PLCG2: variants seen among roughly 807,000 people sequenced by gnomAD.
PLCG2 encodes 1-phosphatidylinositol 4,5-bisphosphate phosphodiesterase gamma-2.
In PLCG2, 69 loss-of-function variants were observed where a neutral mutation model predicts 175.6. The observed-to-expected ratio is 0.39, with a 90% CI of 0.32 to 0.48. The LOEUF (loss-of-function observed/expected upper bound fraction) is 0.48. PLCG2 is among the 20% of genes least tolerant of loss of function. The pLI is 0.91. For synonymous variants in PLCG2, 827 were observed against 624.0 expected (o/e 1.33, Z -4.85); for missense variants, 1,798 against 1,650.9 (o/e 1.09, Z -1.54).
upstream of PLCG2, among the ~76,000 whole-genome samples, chr16:81,778,028 A>AAAAAAAAAAAAAAAAAAAACAAAC (rs1910495614): frequency 1.6e-5 from 1 of 63,658 alleles, no homozygotes; most frequent in Non-Finnish European, 3.0e-5. Flanking sequence ...AAAAAAAAAA[A>AAAAAAAAAAAAAAAAAAAACAAAC]AAACAAAAAA....
At chr16:81,956,907 C>G (rs532221098) in intron 32 of PLCG2, 28 bp downstream of exon 32, 13 of 1,597,152 alleles carry the variant, frequency 8.1e-6, no homozygotes, top group Non-Finnish European at 1.1e-5. Context: ...CCTGCAAAAA[C>G]TTTTGGGGGG....
chr16:81,790,940 G>A (rs983636380), intron 2 of PLCG2, among the ~76,000 whole-genome samples: 6 of 152,146 alleles, frequency 3.9e-5, no homozygotes, highest in African/African-American at 7.2e-5. Context: ...TCCAGCAAAC[G>A]TGTCAGTGGT....
At chr16:81,846,118 T>A (rs965824986) in intron 2 of PLCG2, among the ~76,000 whole-genome samples, 1 of 152,170 alleles carries the variant, frequency 6.6e-6, no homozygotes, top group African/African-American at 2.4e-5. Context: ...GTGTTGGGTG[T>A]CGTGGCTCAC....
intron 2 of PLCG2, among the ~76,000 whole-genome samples, chr16:81,803,571 C>CCTTTCCTTTG (rs1402528673): frequency 6.8e-6 from 1 of 146,038 alleles, no homozygotes; most frequent in African/African-American, 2.5e-5. Flanking sequence ...CCTTTCCTTT[C>CCTTTCCTTTG]CTTTCCTTTC....
At chr16:81,867,072 CA>C (rs1411357375) in intron 5 of PLCG2, among the ~76,000 whole-genome samples, 2 of 152,174 alleles carry the variant, frequency 1.3e-5, no homozygotes, top group African/African-American at 4.8e-5. Context: ...AGCATCTTGT[CA>C]TTTGAAGTCT....
chr16:81,792,866 A>G (rs149810114), intron 2 of PLCG2, among the ~76,000 whole-genome samples: 570 of 152,314 alleles, frequency 3.7e-3, no homozygotes, highest in Non-Finnish European at 6.0e-3. Flanking sequence ...GAGCCAGACC[A>G]TATCAGCCAC....
chr16:81,927,239 G>A, intron 23 of PLCG2, 61 bp downstream of exon 23: 1 of 1,146,156 alleles, frequency 8.7e-7, no homozygotes. Context: ...AGTTTTTCAG[G>A]GAGCTGTGCC....
At chr16:81,765,342 C>T (rs1910125275) in intron 2 of PLCG2, among the ~76,000 whole-genome samples, 2 of 152,332 alleles carry the variant, frequency 1.3e-5, no homozygotes, top group East Asian at 1.9e-4. Context: ...AAGAAAGCAA[C>T]CATGCCGGCC....
At chr16:81,951,794 A>T (rs1259226678) in intron 31 of PLCG2, among the ~76,000 whole-genome samples, 1 of 152,254 alleles carries the variant, frequency 6.6e-6, no homozygotes, top group Non-Finnish European at 1.5e-5. Flanking sequence ...CAAATTAAAT[A>T]TGAAAAAAGC....
At chr16:81,934,048 C>T (rs11863412) in intron 25 of PLCG2, among the ~76,000 whole-genome samples, 3 of 152,032 alleles carry the variant, frequency 2.0e-5, no homozygotes, top group Non-Finnish European at 4.4e-5. Flanking sequence ...GTCCACAGAG[C>T]CCCCGAGGAT....
chr16:81,816,177 C>A (rs1375487246), intron 2 of PLCG2, among the ~76,000 whole-genome samples: 1 of 152,090 alleles, frequency 6.6e-6, no homozygotes, highest in Non-Finnish European at 1.5e-5. Context: ...TCGAGACCAG[C>A]CTGGCCAATA....
chr16:81,741,023 G>A (rs532538643), intron 1 of PLCG2, among the ~76,000 whole-genome samples: 1 of 152,324 alleles, frequency 6.6e-6, no homozygotes, highest in African/African-American at 2.4e-5. Flanking sequence ...GTGCCCCATA[G>A]AGCAAGAGGG....
In PLCG2 at chr16:81,947,881, G is replaced by A. The variant is rs1004885557; in HGVS notation, c.3570+1618G>A. 2.6e-5 allele frequency among the ~76,000 whole-genome samples: 4 copies of A among 152,282 alleles called. No homozygotes were observed. In the East Asian group the frequency reaches 5.8e-4, roughly 22 times the overall value. ...CCCAGATAGCCTGTATCTAACGACCGTTACCATCTTGGTAGATTTCCATTG... is the reference window on the plus strand; with the variant it reads ...CCCAGATAGCCTGTATCTAACGACCATTACCATCTTGGTAGATTTCCATTG... On this transcript the variant is annotated intron_variant, in intron 31 of 32. Transcript: ENST00000564138.
intron 1 of PLCG2, among the ~76,000 whole-genome samples, chr16:81,752,894 C>T (rs1385447939): frequency 6.6e-6 from 1 of 152,242 alleles, no homozygotes; most frequent in African/African-American, 2.4e-5. Flanking sequence ...TGCACTGCCA[C>T]CTGTCAACTC....
At position 81,751,300 on chromosome 16, in the gene PLCG2, C is replaced by T. The variant is rs538995342; in HGVS notation, c.-144-4570C>T. Among the ~76,000 whole-genome samples the T allele has an allele frequency of 7.2e-5, 11 of 152,126 alleles. No homozygotes were observed. The South Asian group carries it at 2.3e-3, about 32-fold the overall frequency. On this transcript the variant is annotated intron_variant, in intron 1 of 5. Transcript: ENST00000565054. The stretch of plus-strand genomic sequence containing the variant: ...CCAGCCTGGAACTAGAGATTGATGG[C>T]CAGGGAAATTCTGTCATTTGCGACA...
Position 81,859,156 on chromosome 16 carries a change from A to G in PLCG2, c.472A>G (p.Arg158Gly), listed in dbSNP as rs778718266. ...GATATATTCTGTGGATCAAACCAGA[A>G]GAAACAGGTAAGAGTCATTCAGTTT... ...KQIYSVDQTR[R>G]NSISLRELKT... Residue 158 changes from arginine to glycine, a missense_variant, in exon 5 of 33, where the codon AGA becomes GGA. Physicochemically the swap from Arg to Gly is moderately radical, Grantham distance 125. Transcript: ENST00000564138. The G allele has an allele frequency of 1.3e-6, 2 of 1,591,116 alleles. No individual in the cohort carries two copies. Among genetic ancestry groups the G allele is most frequent in the Non-Finnish European group, 8.6e-7 (1 of 1,159,140 alleles).
At chr16:81,761,944 G>T (rs116851026) in intron 2 of PLCG2, among the ~76,000 whole-genome samples, 2,515 of 150,168 alleles carry the variant, frequency 0.017, 32 homozygotes, top group Middle Eastern at 0.035. Context: ...TGATTCTCCT[G>T]CCTCAGTTTC....
intron 30 of PLCG2, among the ~76,000 whole-genome samples, chr16:81,942,680 C>G (rs1567543719): frequency 6.6e-6 from 1 of 152,070 alleles, no homozygotes; most frequent in Non-Finnish European, 1.5e-5. Flanking sequence ...TTTTAAAATT[C>G]TGAGCACTTT....
exon 2 of PLCG2, chr16:81,755,935 C>T (rs1350692027): frequency 6.6e-6 from 1 of 152,406 alleles, no homozygotes; most frequent in East Asian, 1.9e-4. Flanking sequence ...CGAAGTCCAT[C>T]TGGAAGACGG....
Sources: gnomAD v4.1 joint callset for allele counts (sites outside exome capture counted in the v4.1 genomes callset) on GRCh38, gnomAD v4.1.1 for gene constraint, MANE v1.5 for transcripts, NCBI Gene and HGNC (gene_info 2026-07-23, HGNC 2026-07-21) for gene names.